PCDH11Y: variants seen among roughly 807,000 people sequenced by gnomAD.
PCDH11Y encodes the protein protocadherin 11 Y-linked.
For missense variants in PCDH11Y, 12 were observed against 224.8 expected, an observed-to-expected ratio of 0.05 and a Z score of 6.05; for synonymous variants, 9 against 83.6, an observed-to-expected ratio of 0.11 and a Z score of 4.87.
At chrY:5,722,192 G>A (rs2053595211) in intron 4 of PCDH11Y, among the ~76,000 whole-genome samples, 2 of 31,005 alleles carry the variant, frequency 6.5e-5, no homozygotes, top group African/African-American at 2.5e-4. Context: ...TGACTAGAGT[G>A]ATTCAACAGT....
At chrY:5,158,768 T>G in intron 2 of PCDH11Y, among the ~76,000 whole-genome samples, 1 of 27,173 alleles carries the variant, frequency 3.7e-5, no homozygotes, top group Non-Finnish European at 8.6e-5. Context: ...ACAAATGTCT[T>G]ACTAGAGAAG....
chrY:5,136,630 A>G, intron 2 of PCDH11Y, among the ~76,000 whole-genome samples: 1 of 33,004 alleles, frequency 3.0e-5, no homozygotes, highest in African/African-American at 1.2e-4. Flanking sequence ...TCACAAAGAA[A>G]ATACAATTAC....
At chrY:5,701,906 C>G in intron 4 of PCDH11Y, among the ~76,000 whole-genome samples, 5 of 33,674 alleles carry the variant, frequency 1.5e-4, no homozygotes, top group African/African-American at 2.3e-4. Flanking sequence ...GAACTCACCT[C>G]TTGCATTAGC....
At chrY:5,061,318 T>C in intron 1 of PCDH11Y, among the ~76,000 whole-genome samples, 1 of 33,564 alleles carries the variant, frequency 3.0e-5, no homozygotes, top group African/African-American at 1.2e-4. Flanking sequence ...ATTATAGCTA[T>C]TTACATACTC....
chrY:5,237,448 GT>G (rs2052976626), intron 2 of PCDH11Y, among the ~76,000 whole-genome samples: 1 of 32,718 alleles, frequency 3.1e-5, no homozygotes, highest in Admixed American at 2.8e-4. Flanking sequence ...ATAAAATAAT[GT>G]GCGTCAGCCA....
chrY:5,234,404 C>T (rs1602890379), intron 2 of PCDH11Y, among the ~76,000 whole-genome samples: 3 of 29,919 alleles, frequency 1.0e-4, no homozygotes, highest in African/African-American at 4.0e-4. Flanking sequence ...CCACCATGCC[C>T]GGCTAATTTT....
chrY:5,393,606 C>T (rs2053223335), intron 2 of PCDH11Y, among the ~76,000 whole-genome samples: 1 of 16,456 alleles, frequency 6.1e-5, no homozygotes, highest in African/African-American at 2.4e-4. Flanking sequence ...TAATTAAGCC[C>T]GGGAAGTCAA....
chrY:5,171,979 C>T (rs2052887175), intron 2 of PCDH11Y, among the ~76,000 whole-genome samples: 1 of 33,078 alleles, frequency 3.0e-5, no homozygotes, highest in East Asian at 8.0e-4. Flanking sequence ...GATAATGTAC[C>T]TTGGGTTTGG....
chrY:5,244,224 A>G, intron 2 of PCDH11Y, among the ~76,000 whole-genome samples: 1 of 33,864 alleles, frequency 3.0e-5, no homozygotes, highest in Non-Finnish European at 7.3e-5. Flanking sequence ...ACTAATGAGA[A>G]TAAAGATACA....
chrY:5,534,220 G>A, intron 3 of PCDH11Y, among the ~76,000 whole-genome samples: 3 of 32,825 alleles, frequency 9.1e-5, no homozygotes, highest in African/African-American at 3.6e-4. Flanking sequence ...TGTCATCTCC[G>A]TTCTGCTCTC....
chrY:5,170,435 A>G (rs2124645507), intron 2 of PCDH11Y, among the ~76,000 whole-genome samples: 1 of 30,293 alleles, frequency 3.3e-5, no homozygotes, highest in South Asian at 7.5e-4. Flanking sequence ...ACATGCTTCA[A>G]TTCTTGGGGT....
chrY:5,299,397 T>G (rs2053079360), intron 2 of PCDH11Y, among the ~76,000 whole-genome samples: 2 of 33,603 alleles, frequency 6.0e-5, no homozygotes, highest in Non-Finnish European at 1.5e-4. Context: ...TAATTCCAGC[T>G]GAAATTGTCA....
intron 2 of PCDH11Y, among the ~76,000 whole-genome samples, chrY:5,312,301 T>A: frequency 3.2e-5 from 1 of 31,228 alleles, no homozygotes; most frequent in Non-Finnish European, 7.6e-5. Context: ...CAAATCATGA[T>A]AATCGTTTTC....
chrY:5,257,769 T>C, intron 2 of PCDH11Y, among the ~76,000 whole-genome samples: 1 of 32,680 alleles, frequency 3.1e-5, no homozygotes. Context: ...TTTCTTCACA[T>C]GTCTTTGCTT....
upstream of PCDH11Y, chrY:5,056,016 T>C: frequency 6.2e-5 from 2 of 32,129 alleles, no homozygotes; most frequent in South Asian, 7.2e-4. Context: ...TCTTCTAGTC[T>C]AACTCTCCCA....
chrY:5,182,244 T>C, intron 2 of PCDH11Y, among the ~76,000 whole-genome samples: 4 of 32,893 alleles, frequency 1.2e-4, no homozygotes, highest in African/African-American at 4.8e-4. Flanking sequence ...TACCTGAAAG[T>C]ATCACCAGTG....
At chrY:5,471,609 T>G (rs2124684760) in intron 2 of PCDH11Y, among the ~76,000 whole-genome samples, 1 of 32,441 alleles carries the variant, frequency 3.1e-5, no homozygotes, top group South Asian at 6.7e-4. Flanking sequence ...AGATCTGAAG[T>G]GTAAGTTTTA....
intron 2 of PCDH11Y, among the ~76,000 whole-genome samples, chrY:5,451,858 G>A (rs71201696): frequency 3.1e-5 from 1 of 32,756 alleles, no homozygotes; most frequent in Non-Finnish European, 7.5e-5. Context: ...TCTTGATTCC[G>A]GAAAGACCAT....
chrY:5,041,580 T>C (rs2052611376), intron 3 of PCDH11Y, among the ~76,000 whole-genome samples: 2 of 32,604 alleles, frequency 6.1e-5, no homozygotes, highest in African/African-American at 2.4e-4. Flanking sequence ...CGTGTGCATG[T>C]GTCTTTATAG....
Sources: allele counts gnomAD v4.1 joint callset (sites outside exome capture counted in the v4.1 genomes callset), GRCh38; gene constraint gnomAD v4.1.1; transcripts MANE v1.5; gene names NCBI Gene and HGNC (gene_info 2026-07-23, HGNC 2026-07-21).